The following NT5C3A variants were observed in gnomAD, a reference collection of about 807,000 sequenced individuals.
NT5C3A encodes the protein cytosolic 5'-nucleotidase 3A.
In NT5C3A, 23 loss-of-function variants were observed where a neutral mutation model predicts 40.0. That is an observed-to-expected ratio of 0.58 (90% CI 0.41 to 0.81). The LOEUF (loss-of-function observed/expected upper bound fraction) is 0.81, where lower values mean the gene tolerates loss of function less well. Among genes scored for constraint, NT5C3A ranks in the 40% least tolerant of loss-of-function variants. The pLI, the probability that NT5C3A is intolerant of heterozygous loss-of-function variation, is 0.00. For synonymous variants in NT5C3A, 130 were observed against 141.4 expected, an observed-to-expected ratio of 0.92 and a Z score of 0.57; for missense variants, 328 against 403.0, an observed-to-expected ratio of 0.81 and a Z score of 1.59.
At chr7:33,033,188 A>G (rs1786379433) in intron 1 of NT5C3A, among the ~76,000 whole-genome samples, 1 of 152,226 alleles carries the variant, frequency 6.6e-6, no homozygotes, top group African/African-American at 2.4e-5. Flanking sequence ...TCCATTGTTT[A>G]TATTTGGTAG....
chr7:33,046,940 A>T (rs2128013734), intron 1 of NT5C3A, among the ~76,000 whole-genome samples: 1 of 148,270 alleles, frequency 6.7e-6, no homozygotes, highest in Admixed American at 6.8e-5. Flanking sequence ...AGTAGTGGGG[A>T]CCACAGGTGC....
At chr7:33,055,655 A>G (rs1787541239) in intron 1 of NT5C3A, among the ~76,000 whole-genome samples, 1 of 152,230 alleles carries the variant, frequency 6.6e-6, no homozygotes, top group African/African-American at 2.4e-5. Context: ...AGAAAAGACA[A>G]GGGAAATGTC....
chr7:33,034,712 T>C (rs1562595622), intron 1 of NT5C3A, among the ~76,000 whole-genome samples: 1 of 152,076 alleles, frequency 6.6e-6, no homozygotes, highest in Non-Finnish European at 1.5e-5. Context: ...CCTACACTGG[T>C]TGGGGGAAAG....
intron 7 of NT5C3A, among the ~76,000 whole-genome samples, chr7:33,016,970 G>C (rs949331188): frequency 6.6e-6 from 1 of 151,912 alleles, no homozygotes; most frequent in African/African-American, 2.4e-5. Flanking sequence ...ATAACTTGTG[G>C]TCAGGAGTTC....
intron 1 of NT5C3A, chr7:33,029,323 G>A (rs1337658581): frequency 4.7e-6 from 1 of 214,218 alleles, no homozygotes; most frequent in African/African-American, 2.4e-5. Flanking sequence ...ACACACTCTT[G>A]CTAAATGCTA....
intron 1 of NT5C3A, among the ~76,000 whole-genome samples, chr7:33,046,427 T>C (rs925209582): frequency 6.6e-6 from 1 of 152,016 alleles, no homozygotes; most frequent in Non-Finnish European, 1.5e-5. Flanking sequence ...TAGCCCCAAC[T>C]TCTCAGGAGG....
intron 1 of NT5C3A, among the ~76,000 whole-genome samples, chr7:33,027,969 A>G (rs905574826): frequency 1.3e-5 from 2 of 152,250 alleles, no homozygotes; most frequent in African/African-American, 4.8e-5. Context: ...GCAGAAAGGA[A>G]GCAATTATCA....
At chr7:33,014,971 T>C in intron 8 of NT5C3A, 140 bp from the exon 9 acceptor site, 2 of 783,010 alleles carry the variant, frequency 2.6e-6, no homozygotes, top group South Asian at 3.3e-5. Flanking sequence ...AATGAAGAAA[T>C]ATTTTCAAAT....
Position 33,017,463 on chromosome 7 carries a change from G to T in NT5C3A, c.669C>A (p.Ser223=), listed in dbSNP as rs1785396883. The change falls in exon 7 of 9, where the codon TCC becomes TCA. Residue 223 remains serine (S), a synonymous_variant. Transcript: ENST00000610140. ...CAGTTTCATCAAAATCCATAAAATT[G>T]GACACAACTTTGACATTGGGATGAT... ...GVYHPNVKVV[S]NFMDFDETGV... is the part of the protein sequence containing the mutation. 2 of 1,612,136 alleles carry T rather than the reference G, an allele frequency of 1.2e-6. No individual in the cohort carries two copies. The highest frequency in any genetic ancestry group is 1.7e-5 in the Admixed American group (1 of 59,954).
chr7:33,062,746 G>C lies in NT5C3A; in HGVS notation c.-41C>G, dbSNP rs973503275. On this transcript the variant is annotated 5_prime_UTR_variant, in exon 1 of 9. Transcript: ENST00000610140. ...GCGCGTCCAAGCAGGAAAAAAACAG[G>C]CAGCTCGCGTAGACTGCGAGTCTCG... 1 of 1,549,384 alleles carries C rather than the reference G, an allele frequency of 6.5e-7. No homozygotes were observed. The highest frequency in any genetic ancestry group is 2.0e-5 in the Admixed American group (1 of 50,954).
chr7:33,016,006 G>A (rs188633213), intron 7 of NT5C3A, 136 bp from the exon 8 acceptor site: 1 of 680,042 alleles, frequency 1.5e-6, no homozygotes, highest in Non-Finnish European at 2.6e-6. Flanking sequence ...AGATCTCAAA[G>A]CACTTAAGTC....
intron 2 of NT5C3A, among the ~76,000 whole-genome samples, chr7:33,025,686 T>G (rs28506936): frequency 0.73 from 110,056 of 151,764 alleles, 40,117 homozygotes; most frequent in African/African-American, 0.79. Flanking sequence ...AGTTAGCTTC[T>G]TACTTAAGAC....
In NT5C3A at chr7:33,029,336, G is replaced by T. The variant is rs1308459977; in HGVS notation, c.139-2421C>A. ...CCACACACTCTTGCTAAATGCTAGG[G>T]ATATGATGATGAGTAGTATTTACTC... On this transcript the variant is annotated intron_variant, in intron 1 of 8. Coordinates refer to ENST00000610140, the MANE Select transcript of NT5C3A (RefSeq NM_001002010.5). 3.9e-5 allele frequency: 10 copies of T among 254,818 alleles called. 1 individual carries two copies. The South Asian group carries it at 3.9e-4, about 10-fold the overall frequency. The allele number at this position is 254,818 out of a possible 1,614,324, so 15.8% of individuals were successfully genotyped here.
intron 1 of NT5C3A, among the ~76,000 whole-genome samples, chr7:33,031,799 T>C (rs1224301972): frequency 6.6e-6 from 1 of 152,034 alleles, no homozygotes; most frequent in Non-Finnish European, 1.5e-5. Context: ...TGTATGTTCA[T>C]CTATATGAGT....
intron 1 of NT5C3A, among the ~76,000 whole-genome samples, chr7:33,059,449 C>T (rs910784924): frequency 2.6e-5 from 4 of 152,228 alleles, no homozygotes; most frequent in African/African-American, 9.6e-5. Context: ...TCCTTCTCTT[C>T]ATCTTGGCTA....
chr7:33,026,685 G>C (rs1475041921), intron 2 of NT5C3A, 132 bp downstream of exon 2: 1 of 651,194 alleles, frequency 1.5e-6, no homozygotes, highest in Non-Finnish European at 2.7e-6. Context: ...ATAGAGATGG[G>C]GTCTCACTAT....
chr7:33,044,386 T>TA (rs1011060880), intron 1 of NT5C3A, among the ~76,000 whole-genome samples: 27 of 71,804 alleles, frequency 3.8e-4, no homozygotes, highest in African/African-American at 7.0e-4. Flanking sequence ...CTAGGGCACT[T>TA]AAAAAAATTT....
Position 33,014,699 on chromosome 7 carries a change from C to T in NT5C3A, c.*31G>A, listed in dbSNP as rs749288917. 3 of 1,608,988 alleles carry T rather than the reference C, an allele frequency of 1.9e-6. No individual in the cohort carries two copies. The highest frequency in any genetic ancestry group is 2.5e-6 in the Non-Finnish European group (3 of 1,177,936). ...CGGATGAACAGTTCAATTGCACCCA[C>T]AGGAGAGAGGTCTTCTTGGAGAATG... is the stretch of plus-strand genomic sequence containing the variant. On this transcript the variant is annotated 3_prime_UTR_variant, in exon 9 of 9. Coordinates refer to ENST00000610140, the MANE Select transcript of NT5C3A (RefSeq NM_001002010.5).
intron 1 of NT5C3A, among the ~76,000 whole-genome samples, chr7:33,028,287 G>C (rs1221734465): frequency 6.6e-6 from 1 of 152,278 alleles, no homozygotes. Flanking sequence ...GGTGTAGGCT[G>C]CTACTACAGA....
Sources: allele counts gnomAD v4.1 joint callset (sites outside exome capture counted in the v4.1 genomes callset), GRCh38; gene constraint gnomAD v4.1.1; transcripts MANE v1.5; gene names NCBI Gene and HGNC (gene_info 2026-07-23, HGNC 2026-07-21).